The following GAB2 variants were observed in gnomAD, a reference collection of about 807,000 sequenced individuals.
GAB2 encodes GRB2 associated binding protein 2.
GAB2 carries 26 observed loss-of-function variants against 65.5 expected under a neutral mutation model. The observed-to-expected ratio is 0.40, with a 90% CI of 0.29 to 0.55. The LOEUF (loss-of-function observed/expected upper bound fraction) is 0.55, where lower values mean the gene tolerates loss of function less well. GAB2 is among the 20% of genes least tolerant of loss of function. The probability of loss-of-function intolerance (pLI) is 0.53; values close to 1 mark genes in which losing one functional copy is unlikely to be tolerated. For synonymous variants in GAB2, 321 were observed against 329.6 expected, an observed-to-expected ratio of 0.97 and a Z score of 0.28; for missense variants, 884 against 875.8, an observed-to-expected ratio of 1.01 and a Z score of -0.12.
chr11:78,381,903 T>C (rs1856702906), intron 1 of GAB2, among the ~76,000 whole-genome samples: 1 of 152,250 alleles, frequency 6.6e-6, no homozygotes, highest in African/African-American at 2.4e-5. Flanking sequence ...CGCAGTTCCT[T>C]GCTGCTTAAA....
intron 1 of GAB2, among the ~76,000 whole-genome samples, chr11:78,325,541 A>C (rs180780712): frequency 2.0e-5 from 3 of 152,334 alleles, no homozygotes; most frequent in African/African-American, 7.2e-5. Context: ...CTAAGCAAGA[A>C]TGTTGTAGAG....
At chr11:78,295,144 A>T (rs905123677) in intron 1 of GAB2, among the ~76,000 whole-genome samples, 6 of 152,254 alleles carry the variant, frequency 3.9e-5, no homozygotes, top group African/African-American at 1.4e-4. Context: ...AATGCTCATC[A>T]TCACTGGCCA....
chr11:78,335,088 A>G (rs955003196), intron 1 of GAB2, among the ~76,000 whole-genome samples: 1 of 152,186 alleles, frequency 6.6e-6, no homozygotes, highest in Non-Finnish European at 1.5e-5. Flanking sequence ...TAAAAATCAG[A>G]TTAGACTTTT....
At chr11:78,406,745 G>A (rs745969580) in intron 1 of GAB2, among the ~76,000 whole-genome samples, 28 of 152,124 alleles carry the variant, frequency 1.8e-4, no homozygotes, top group Admixed American at 3.3e-4. Flanking sequence ...AAAGACAATC[G>A]ACAGATGCCA....
intron 1 of GAB2, among the ~76,000 whole-genome samples, chr11:78,407,738 G>GAAAGAA (rs1474380265): frequency 6.8e-6 from 1 of 147,108 alleles, no homozygotes; most frequent in Non-Finnish European, 1.5e-5. Flanking sequence ...AAGAAAGAAA[G>GAAAGAA]AAAGAAAGAA....
At chr11:78,329,213 G>A (rs7117238) in intron 1 of GAB2, among the ~76,000 whole-genome samples, 45,374 of 151,970 alleles carry the variant, frequency 0.3, 8,583 homozygotes, top group African/African-American at 0.53. Context: ...TAGCAAAAAT[G>A]AAGAACATTT....
intron 1 of GAB2, among the ~76,000 whole-genome samples, chr11:78,410,419 G>A (rs1458527942): frequency 6.6e-6 from 1 of 152,230 alleles, no homozygotes; most frequent in African/African-American, 2.4e-5. Flanking sequence ...CAGGAGAACT[G>A]CTGGAACCTG....
intron 1 of GAB2, among the ~76,000 whole-genome samples, chr11:78,310,953 T>C (rs956878197): frequency 1.3e-5 from 2 of 152,226 alleles, no homozygotes; most frequent in Admixed American, 1.3e-4. Context: ...TAAAGGTTTT[T>C]TCTTTCACTA....
intron 2 of GAB2, among the ~76,000 whole-genome samples, chr11:78,253,854 A>G (rs905788751): frequency 1.3e-5 from 2 of 152,226 alleles, no homozygotes; most frequent in Non-Finnish European, 2.9e-5. Flanking sequence ...AGTAACATTC[A>G]CTGACTCCTT....
chr11:78,344,326 C>T (rs565632184), intron 1 of GAB2, among the ~76,000 whole-genome samples: 1 of 152,124 alleles, frequency 6.6e-6, no homozygotes, highest in East Asian at 1.9e-4. Flanking sequence ...AAGGTAATGG[C>T]AGATGCTGTT....
chr11:78,338,754 C>T (rs1272819018), intron 1 of GAB2, among the ~76,000 whole-genome samples: 2 of 152,178 alleles, frequency 1.3e-5, no homozygotes, highest in Non-Finnish European at 2.9e-5. Flanking sequence ...CCAGTCATCC[C>T]ATGATTGTCA....
At chr11:78,277,875 A>C (rs2134579887) in intron 2 of GAB2, among the ~76,000 whole-genome samples, 1 of 152,266 alleles carries the variant, frequency 6.6e-6, no homozygotes, top group Admixed American at 6.5e-5. Context: ...CTGCTCTAAC[A>C]CTTTTTAATA....
At chr11:78,265,973 G>A (rs1865863458) in intron 2 of GAB2, among the ~76,000 whole-genome samples, 2 of 151,992 alleles carry the variant, frequency 1.3e-5, no homozygotes, top group Admixed American at 1.3e-4. Flanking sequence ...TCAGCATTTT[G>A]GGAGGCTGAG....
At chr11:78,278,929 T>C (rs1866251871) in intron 2 of GAB2, among the ~76,000 whole-genome samples, 2 of 152,140 alleles carry the variant, frequency 1.3e-5, no homozygotes, top group South Asian at 2.1e-4. Flanking sequence ...TGAACCATGA[T>C]TGTGTCACTG....
chr11:78,297,124 A>G (rs1866853108), intron 1 of GAB2, among the ~76,000 whole-genome samples: 1 of 152,192 alleles, frequency 6.6e-6, no homozygotes, highest in Admixed American at 6.5e-5. Flanking sequence ...AATTTCAGTG[A>G]GTACAGAATC....
chr11:78,230,325 A>C (rs1016811315), intron 3 of GAB2, among the ~76,000 whole-genome samples: 1 of 152,050 alleles, frequency 6.6e-6, no homozygotes, highest in Non-Finnish European at 1.5e-5. Flanking sequence ...ATCCCTAAAC[A>C]TGTCCTGTGT....
At chr11:78,225,628 C>T (rs1425054255) in intron 4 of GAB2, among the ~76,000 whole-genome samples, 1 of 152,176 alleles carries the variant, frequency 6.6e-6, no homozygotes, top group African/African-American at 2.4e-5. Flanking sequence ...CATCTCAGTT[C>T]CAAAACGGAG....
chr11:78,335,791 AC>A (rs1468543935), intron 1 of GAB2, among the ~76,000 whole-genome samples: 1 of 152,158 alleles, frequency 6.6e-6, no homozygotes, highest in African/African-American at 2.4e-5. Context: ...TGGTATTTTG[AC>A]AGGGAATGCA....
rs185385420 is a variant in GAB2 at position 78,357,825 on chromosome 11, G to T, written c.75+59821C>A. ...TGCTGGAGAGGATGTGGAGAAATAGGAACACTTTTACACTGTTGGTGGGGC... is the reference window on the plus strand; with the variant it reads ...TGCTGGAGAGGATGTGGAGAAATAGTAACACTTTTACACTGTTGGTGGGGC... On this transcript the variant is annotated intron_variant, in intron 1 of 9. Coordinates refer to ENST00000361507, the MANE Select transcript of GAB2 (RefSeq NM_080491.3). 2.2e-3 allele frequency among the ~76,000 whole-genome samples: 331 copies of T among 152,292 alleles called. 1 individual carries two copies. The highest frequency in any genetic ancestry group is 7.0e-3 in the African/African-American group (292 of 41,558).
Sources: allele counts gnomAD v4.1 joint callset (sites outside exome capture counted in the v4.1 genomes callset), GRCh38; gene constraint gnomAD v4.1.1; transcripts MANE v1.5; gene names NCBI Gene and HGNC (gene_info 2026-07-23, HGNC 2026-07-21).